Variants in GNAO1 observed in about 807,000 individuals in gnomAD.
GNAO1 encodes the protein guanine nucleotide-binding protein G(o) subunit alpha.
For synonymous variants in GNAO1, 164 were observed against 180.7 expected (o/e 0.91, Z 0.74); for missense variants, 166 against 478.7 (o/e 0.35, Z 6.10).
chr16:56,276,409 A>G (rs544977700), intron 3 of GNAO1: 1 of 175,686 alleles, frequency 5.7e-6, no homozygotes, highest in East Asian at 1.5e-4. Flanking sequence ...AAAAATATGT[A>G]TTAAACAAAA....
At chr16:56,238,491 T>C (rs2097647734) in intron 2 of GNAO1, among the ~76,000 whole-genome samples, 1 of 152,210 alleles carries the variant, frequency 6.6e-6, no homozygotes, top group African/African-American at 2.4e-5. Context: ...CCCCACCTTG[T>C]TGACTTTCTT....
chr16:56,208,188 T>C (rs1397617216), intron 2 of GNAO1, among the ~76,000 whole-genome samples: 1 of 152,252 alleles, frequency 6.6e-6, no homozygotes, highest in Non-Finnish European at 1.5e-5. Context: ...CATTGCTATA[T>C]AGTATTCTAT....
At chr16:56,228,032 G>A (rs2036548959) in intron 2 of GNAO1, among the ~76,000 whole-genome samples, 1 of 152,106 alleles carries the variant, frequency 6.6e-6, no homozygotes, top group African/African-American at 2.4e-5. Context: ...GGCAGTGCTG[G>A]GCTTGGTTAC....
chr16:56,294,114 C>G (rs1000881961), intron 3 of GNAO1, among the ~76,000 whole-genome samples: 2 of 152,132 alleles, frequency 1.3e-5, no homozygotes, highest in Non-Finnish European at 2.9e-5. Context: ...GTGCTGACCC[C>G]CAGTGTGCCT....
chr16:56,192,382 C>T, intron 1 of GNAO1, 29 bp downstream of exon 1: 1 of 1,335,906 alleles, frequency 7.5e-7, no homozygotes, highest in Non-Finnish European at 1.1e-6. Flanking sequence ...ACCCCCATCC[C>T]CCGACCCCGG....
At chr16:56,341,494 C>T (rs1194590157) in intron 6 of GNAO1, among the ~76,000 whole-genome samples, 1 of 152,250 alleles carries the variant, frequency 6.6e-6, no homozygotes, top group African/African-American at 2.4e-5. Flanking sequence ...AGCTGATGGG[C>T]ACGCAGAGCT....
intron 2 of GNAO1, among the ~76,000 whole-genome samples, chr16:56,238,096 C>T (rs2036657150): frequency 6.6e-6 from 1 of 152,046 alleles, no homozygotes; most frequent in South Asian, 2.1e-4. Flanking sequence ...TGGGTCCCAT[C>T]ACAGATCCCC....
Position 56,202,379 on chromosome 16 carries a change from G to A in GNAO1, c.161+9763G>A, listed in dbSNP as rs186302031. On this transcript the variant is annotated intron_variant, in intron 2 of 8. Transcript: ENST00000262493. ...AAATCCATGAAGAACCCCCCTCCCA[G>A]CCCAAAAGAAATGTGGGCTACAGAA... is the stretch of plus-strand genomic sequence containing the variant. 4.6e-5 allele frequency among the ~76,000 whole-genome samples: 7 copies of A among 152,276 alleles called. No homozygotes were observed. In the East Asian group the frequency reaches 1.3e-3, roughly 29 times the overall value.
At chr16:56,298,964 C>CGGG (rs1328740199) in intron 3 of GNAO1, among the ~76,000 whole-genome samples, 2 of 150,516 alleles carry the variant, frequency 1.3e-5, no homozygotes, top group East Asian at 3.9e-4. Context: ...AATATAAGGA[C>CGGG]GGGGTGTCAT....
At chr16:56,339,425 GA>G (rs1237803552) in intron 6 of GNAO1, among the ~76,000 whole-genome samples, 3 of 152,256 alleles carry the variant, frequency 2.0e-5, no homozygotes, top group Admixed American at 2.0e-4. Context: ...GCCATGGCTA[GA>G]GGTCAGGTTC....
intron 3 of GNAO1, among the ~76,000 whole-genome samples, chr16:56,316,465 T>C (rs995092005): frequency 1.3e-5 from 2 of 152,178 alleles, no homozygotes; most frequent in Non-Finnish European, 2.9e-5. Context: ...TTTAACCTTC[T>C]AGGGCTGCAT....
At position 56,354,162 on chromosome 16, in the gene GNAO1, G is replaced by A. The variant is rs558532221; in HGVS notation, c.878-704G>A. 6.6e-6 allele frequency among the ~76,000 whole-genome samples: 1 copy of A among 152,340 alleles called. No homozygotes were observed. The highest frequency in any genetic ancestry group is 2.1e-4 in the South Asian group (1 of 4,824). On this transcript the variant is annotated intron_variant, in intron 7 of 8. Coordinates refer to ENST00000262493, the MANE Select transcript of GNAO1 (RefSeq NM_020988.3). This position sits in a 1 kb window ranked among gnomAD's most constrained non-coding sequence, Gnocchi z 4.3. The stretch of plus-strand genomic sequence containing the variant: ...CCAGACTTTGTTTTCATGGTTTACT[G>A]GAATCAGCAGGATTGGTTTAGACCA...
At chr16:56,279,414 G>A (rs1422862619) in intron 3 of GNAO1, among the ~76,000 whole-genome samples, 4 of 152,154 alleles carry the variant, frequency 2.6e-5, no homozygotes, top group Admixed American at 6.5e-5. Flanking sequence ...TCCGTCTGTG[G>A]TTTCCACACC....
chr16:56,282,280 C>T (rs556827129), intron 3 of GNAO1, among the ~76,000 whole-genome samples: 8 of 152,230 alleles, frequency 5.3e-5, no homozygotes, highest in Admixed American at 1.3e-4. Context: ...TCATATCTGC[C>T]GTAAGAGTAA....
intron 2 of GNAO1, among the ~76,000 whole-genome samples, chr16:56,238,759 CATAG>C (rs1213165839): frequency 3.3e-5 from 5 of 152,202 alleles, no homozygotes; most frequent in Non-Finnish European, 5.9e-5. Context: ...GCTTATTTCT[CATAG>C]ATAATGTAGG....
At chr16:56,240,590 A>T (rs557821321) in intron 2 of GNAO1, among the ~76,000 whole-genome samples, 5 of 152,134 alleles carry the variant, frequency 3.3e-5, no homozygotes, top group Non-Finnish European at 7.3e-5. Flanking sequence ...TCTGAGCCTC[A>T]TATCAGAATC....
chr16:56,329,937 C>T (rs1453647801), intron 4 of GNAO1, among the ~76,000 whole-genome samples: 1 of 152,218 alleles, frequency 6.6e-6, no homozygotes, highest in East Asian at 1.9e-4. Context: ...CAAAGAGTTA[C>T]GTGGCCCCAA....
At chr16:56,303,200 G>C (rs955293746) in intron 3 of GNAO1, among the ~76,000 whole-genome samples, 1 of 152,190 alleles carries the variant, frequency 6.6e-6, no homozygotes. Flanking sequence ...TGTATGCTGA[G>C]CTCTGTGCCC....
rs2143703511 is a variant in GNAO1 at position 56,354,065 on chromosome 16, C to T, written c.878-801C>T. On this transcript the variant is annotated intron_variant, in intron 7 of 8. Transcript: ENST00000262493. This position sits in a 1 kb window ranked among gnomAD's most constrained non-coding sequence, Gnocchi z 4.3. ...TGCCAGCCCTGCCAAGTGGCCTCTT[C>T]TTAAAGGAAACCAATGAGGAAGGAG... 6.6e-6 allele frequency among the ~76,000 whole-genome samples: 1 copy of T among 152,366 alleles called. No homozygotes were observed. Among genetic ancestry groups the T allele is most frequent in the South Asian group, 2.1e-4 (1 of 4,824 alleles).
Sources: gnomAD v4.1 joint callset for allele counts (sites outside exome capture counted in the v4.1 genomes callset) on GRCh38, gnomAD v4.1.1 for gene constraint, Gnocchi (gnomAD v3.1) non-coding constraint, MANE v1.5 for transcripts, NCBI Gene and HGNC (gene_info 2026-07-23, HGNC 2026-07-21) for gene names.